The following ADAP2 variants were observed in gnomAD, a reference collection of about 807,000 sequenced individuals.
ADAP2 encodes arf-GAP with dual PH domain-containing protein 2.
ADAP2 carries 42 observed loss-of-function variants against 54.9 expected under a neutral mutation model. The observed-to-expected ratio is 0.77, with a 90% CI of 0.60 to 0.99. ADAP2 has a LOEUF of 0.99. Ranked by LOEUF, ADAP2 falls within the 50% of genes least tolerant of loss-of-function variation. The pLI is 0.00. For missense variants in ADAP2, 429 were observed against 480.4 expected, an observed-to-expected ratio of 0.89 and a Z score of 1.00; for synonymous variants, 177 against 180.1, an observed-to-expected ratio of 0.98 and a Z score of 0.14.
chr17:30,948,364 A>G (rs1486086247), intron 6 of ADAP2, among the ~76,000 whole-genome samples: 1 of 151,640 alleles, frequency 6.6e-6, no homozygotes, highest in Non-Finnish European at 1.5e-5. Flanking sequence ...AGATCACGAG[A>G]CCATCCTGGC....
intron 7 of ADAP2, among the ~76,000 whole-genome samples, chr17:30,951,772 C>G (rs1904663345): frequency 6.6e-6 from 1 of 151,708 alleles, no homozygotes. Context: ...TCTCCTGCCT[C>G]AGCCTCCCGA....
Position 30,934,269 on chromosome 17 carries a change from G to C in ADAP2, c.482G>C (p.Gly161Ala), listed in dbSNP as rs776098038. ...AAGTTTGTACTTCTGGCAAGAGAAGGCCTCCTGAAGTACTTCACAAAGGAA... is the reference window on the plus strand; with the variant it reads ...AAGTTTGTACTTCTGGCAAGAGAAGCCCTCCTGAAGTACTTCACAAAGGAA... Reference protein sequence around the residue: ...RRKFVLLAREGLLKYFTKEQG... With the variant: ...RRKFVLLAREALLKYFTKEQG... Residue 161 changes from glycine to alanine, a missense_variant, in exon 5 of 11, where the codon GGC (glycine) becomes GCC (alanine). Coordinates refer to ENST00000330889, the MANE Select transcript of ADAP2 (RefSeq NM_018404.3). 4 of 1,613,924 alleles carry C rather than the reference G, an allele frequency of 2.5e-6. No homozygotes were observed. Among genetic ancestry groups the C allele is most frequent in the Non-Finnish European group, 2.5e-6 (3 of 1,179,842 alleles).
Position 30,922,957 on chromosome 17 carries a change from T to A in ADAP2, c.112T>A (p.Tyr38Asn). ...CCCTGCAGATCCCGACTGGGCCTCT[T>A]ACAAGCTGGGGATCTTCATCTGTCT... ...CGAADPDWASYKLGIFICLNC... is the reference protein window; with the variant it reads ...CGAADPDWASNKLGIFICLNC... Residue 38 changes from tyrosine (Y) to asparagine (N), a missense_variant, in exon 2 of 11, where the codon TAC (tyrosine) becomes AAC (asparagine). Transcript: ENST00000330889. 6.2e-7 allele frequency: 1 copy of A among 1,613,930 alleles called. No homozygotes were observed. The highest frequency in any genetic ancestry group is 8.5e-7 in the Non-Finnish European group (1 of 1,179,960).
chr17:30,928,118 C>T (rs747544127), intron 3 of ADAP2, among the ~76,000 whole-genome samples: 5 of 145,696 alleles, frequency 3.4e-5, no homozygotes, highest in African/African-American at 5.1e-5. Flanking sequence ...TGTTTGAACC[C>T]GGAGGCAGAG....
intron 6 of ADAP2, 71 bp from the exon 7 acceptor site, chr17:30,949,216 G>A (rs974644975): frequency 1.5e-5 from 15 of 972,856 alleles, no homozygotes; most frequent in Middle Eastern, 2.5e-4. Flanking sequence ...CTAGCTTCCC[G>A]CCACCAGAGG....
intron 6 of ADAP2, among the ~76,000 whole-genome samples, chr17:30,946,218 T>A (rs756398436): frequency 2.0e-5 from 3 of 151,928 alleles, no homozygotes; most frequent in Non-Finnish European, 4.4e-5. Flanking sequence ...TTGTGCACAT[T>A]AAAGTTTGAG....
chr17:30,958,070 A>G lies in ADAP2; in HGVS notation c.*201A>G. The G allele has an allele frequency of 3.2e-6, 2 of 615,772 alleles. No homozygotes were observed. Among genetic ancestry groups the G allele is most frequent in the Non-Finnish European group, 5.9e-6 (2 of 340,330 alleles). 38.1% of individuals were successfully genotyped at this position (615,772 alleles called of 1,614,324 possible). A position where few individuals can be genotyped will look rare whatever the true frequency, so the allele number is the denominator to read the frequency against. On this transcript the variant is annotated 3_prime_UTR_variant, in exon 11 of 11. Transcript: ENST00000330889. ...CGCAACCCACCTCGGGGATCTGAGG[A>G]TCTGGTGCATAGATGAACATCTATC...
chr17:30,956,322 C>A lies in ADAP2; in HGVS notation c.964C>A (p.Arg322=), dbSNP rs778201110. ...CTACGAAGACCTGCCCAAGGGCATC[C>A]GAGGAAATCGCTGGAAAGCCGGACT... ...EAYEDLPKGI[R]GNRWKAGLTI... Residue 322 remains arginine (R), a synonymous_variant, in exon 10 of 11, where the codon CGA becomes AGA. Transcript: ENST00000330889. 1 of 1,614,064 alleles carries A rather than the reference C, an allele frequency of 6.2e-7. No homozygotes were observed. The highest frequency in any genetic ancestry group is 1.7e-5 in the Admixed American group (1 of 59,996).
At chr17:30,937,133 C>T (rs181615817) in intron 5 of ADAP2, among the ~76,000 whole-genome samples, 2 of 151,952 alleles carry the variant, frequency 1.3e-5, no homozygotes, top group East Asian at 3.9e-4. Flanking sequence ...ACCATCTTGG[C>T]CAGGCTGGTC....
rs534923895 is a variant in ADAP2 at position 30,939,599 on chromosome 17, G to A, written c.510+5302G>A. 6.6e-5 allele frequency among the ~76,000 whole-genome samples: 10 copies of A among 151,822 alleles called. No homozygotes were observed. The South Asian group carries it at 1.5e-3, about 22-fold the overall frequency. Reference sequence around the variant, plus strand: ...ATCTTGGCTAACACGGTGAAATCCCGTCTCTACTAAAAATACAAAAACTTA... The same window carrying A: ...ATCTTGGCTAACACGGTGAAATCCCATCTCTACTAAAAATACAAAAACTTA... On this transcript the variant is annotated intron_variant, in intron 5 of 10. Coordinates refer to ENST00000330889, the MANE Select transcript of ADAP2 (RefSeq NM_018404.3).
chr17:30,922,592 C>T (rs1910711306), intron 1 of ADAP2, among the ~76,000 whole-genome samples: 1 of 152,084 alleles, frequency 6.6e-6, no homozygotes, highest in Admixed American at 6.5e-5. Context: ...GCCTCCCCAG[C>T]GCCCCACCTC....
chr17:30,922,959 C>G lies in ADAP2; in HGVS notation c.114C>G (p.Tyr38Ter). Residue 38 changes from tyrosine to a stop codon, truncating the protein, a stop_gained, in exon 2 of 11, where the codon TAC becomes TAG. Coordinates refer to ENST00000330889, the MANE Select transcript of ADAP2 (RefSeq NM_018404.3). LOFTEE classifies it high-confidence loss of function. ...CGAADPDWAS[Y>*]KLGIFICLNC... ...CTGCAGATCCCGACTGGGCCTCTTA[C>G]AAGCTGGGGATCTTCATCTGTCTCA... The G allele has an allele frequency of 2.5e-6, 4 of 1,613,958 alleles. No individual in the cohort carries two copies. Among genetic ancestry groups the G allele is most frequent in the Non-Finnish European group, 3.4e-6 (4 of 1,179,964 alleles).
intron 10 of ADAP2, chr17:30,956,834 A>G: frequency 4.1e-6 from 1 of 242,222 alleles, no homozygotes; most frequent in Non-Finnish European, 8.2e-6. Context: ...GCCTGTTATT[A>G]TTAGCTAAGG....
chr17:30,948,052 A>G (rs1295673680), intron 6 of ADAP2, among the ~76,000 whole-genome samples: 4 of 152,128 alleles, frequency 2.6e-5, no homozygotes, highest in South Asian at 2.1e-4. Context: ...TACAACATCA[A>G]AACTAACCTG....
chr17:30,948,686 A>G (rs1319848549), intron 6 of ADAP2, among the ~76,000 whole-genome samples: 1 of 152,346 alleles, frequency 6.6e-6, no homozygotes, highest in East Asian at 1.9e-4. Context: ...AAGGTGGCCC[A>G]GGCTGCTGAG....
At chr17:30,944,454 T>C (rs916753373) in intron 5 of ADAP2, among the ~76,000 whole-genome samples, 2 of 151,800 alleles carry the variant, frequency 1.3e-5, no homozygotes, top group Admixed American at 6.6e-5. Context: ...CTGGCCAACA[T>C]AGCGAAACTC....
intron 3 of ADAP2, 57 bp downstream of exon 3, chr17:30,926,975 C>T: frequency 1.5e-6 from 2 of 1,342,582 alleles, no homozygotes; most frequent in African/African-American, 1.4e-5. Context: ...TCCACCTCCT[C>T]CCCCTCTCCA....
intron 5 of ADAP2, among the ~76,000 whole-genome samples, chr17:30,944,483 CAA>C (rs1912504971): frequency 1.3e-5 from 2 of 151,660 alleles, no homozygotes; most frequent in African/African-American, 4.8e-5. Context: ...CTTAAAAATA[CAA>C]AAATTAGCCA....
rs1266567435 is a variant in ADAP2, at chr17:30,926,834, TC to T, written c.235del (p.His79ThrfsTer7). ...FWDDSIVEFM[I>X]HNGNLRVKAK... is the part of the protein sequence containing the mutation. ...GTTGCTGTTGTCTTGCAGTTTATGATCCACAATGGAAACCTCCGTGTGAAGG... is the reference window on the plus strand; with the variant it reads ...GTTGCTGTTGTCTTGCAGTTTATGATCACAATGGAAACCTCCGTGTGAAGG... On this transcript the variant is annotated frameshift_variant, in exon 3 of 11. Transcript: ENST00000330889. LOFTEE classifies it high-confidence loss of function. 2 of 1,614,144 alleles carry T rather than the reference TC, an allele frequency of 1.2e-6. No homozygotes were observed. Among genetic ancestry groups the T allele is most frequent in the Admixed American group, 3.3e-5 (2 of 60,022 alleles).
Sources: gnomAD v4.1 joint callset for allele counts (sites outside exome capture counted in the v4.1 genomes callset) on GRCh38, gnomAD v4.1.1 for gene constraint, MANE v1.5 for transcripts, NCBI Gene and HGNC (gene_info 2026-07-23, HGNC 2026-07-21) for gene names.